Variants in CCDC141 observed in about 807,000 individuals in gnomAD.
CCDC141 encodes coiled-coil domain containing 141, also known as coiled-coil domain-containing protein 141.
CCDC141 carries 168 observed loss-of-function variants against 181.0 expected under a neutral mutation model. That is an observed-to-expected ratio of 0.93 (90% CI 0.82 to 1.05). The LOEUF is 1.05. Among genes scored for constraint, CCDC141 ranks in the 50% least tolerant of loss-of-function variants. The pLI is 0.00. For synonymous variants in CCDC141, 666 were observed against 642.3 expected, an observed-to-expected ratio of 1.04 and a Z score of -0.56; for missense variants, 1,902 against 1,788.5, an observed-to-expected ratio of 1.06 and a Z score of -1.14.
chr2:178,992,912 T>G (rs1692124381), intron 2 of CCDC141, among the ~76,000 whole-genome samples: 1 of 152,170 alleles, frequency 6.6e-6, no homozygotes, highest in Non-Finnish European at 1.5e-5. Context: ...CACTTCTCTT[T>G]GCTGCCACCA....
intron 11 of CCDC141, among the ~76,000 whole-genome samples, chr2:178,882,879 G>A (rs1021953963): frequency 2.6e-5 from 4 of 152,026 alleles, no homozygotes; most frequent in Non-Finnish European, 5.9e-5. Context: ...TGAGGGGATG[G>A]AGGATGGAAA....
At chr2:178,886,668 T>C in intron 10 of CCDC141, 84 bp downstream of exon 10, 1 of 874,694 alleles carries the variant, frequency 1.1e-6, no homozygotes, top group Non-Finnish European at 1.7e-6. Context: ...TCAAGTGAGC[T>C]AGGATTAAGT....
chr2:178,845,324 G>C (rs1684888974), intron 22 of CCDC141, among the ~76,000 whole-genome samples: 1 of 152,136 alleles, frequency 6.6e-6, no homozygotes, highest in South Asian at 2.1e-4. Context: ...AGCTAGAGAT[G>C]GGAAAAACAA....
intron 2 of CCDC141, among the ~76,000 whole-genome samples, chr2:179,007,843 A>G (rs1028339067): frequency 6.6e-5 from 10 of 152,204 alleles, no homozygotes; most frequent in African/African-American, 2.2e-4. Context: ...TCCTGTCTCC[A>G]TTATTTAATA....
intron 17 of CCDC141, among the ~76,000 whole-genome samples, chr2:178,857,540 T>C (rs1340121031): frequency 6.6e-6 from 1 of 152,198 alleles, no homozygotes; most frequent in African/African-American, 2.4e-5. Context: ...AGTTCAACTT[T>C]ACCAGTGCAC....
At chr2:179,049,595 T>C (rs1315592936) in intron 1 of CCDC141, among the ~76,000 whole-genome samples, 2 of 151,548 alleles carry the variant, frequency 1.3e-5, no homozygotes, top group East Asian at 1.9e-4. Context: ...TTTTCTTTTT[T>C]TTTTTTTTTT....
At chr2:179,025,624 C>CAGTAATACAG (rs2042821924) in intron 2 of CCDC141, among the ~76,000 whole-genome samples, 2 of 152,130 alleles carry the variant, frequency 1.3e-5, no homozygotes, top group Non-Finnish European at 2.9e-5. Flanking sequence ...TGAAAATGGA[C>CAGTAATACAG]TAATACAGTA....
intron 2 of CCDC141, among the ~76,000 whole-genome samples, chr2:179,026,564 G>GT (rs1005777434): frequency 6.6e-6 from 1 of 152,224 alleles, no homozygotes; most frequent in African/African-American, 2.4e-5. Context: ...TGCTAGGGCA[G>GT]TGCAGAAGGG....
chr2:178,995,136 C>T (rs905275211), intron 2 of CCDC141, among the ~76,000 whole-genome samples: 14 of 152,186 alleles, frequency 9.2e-5, no homozygotes, highest in Admixed American at 3.3e-4. Flanking sequence ...TCCCGCTCTA[C>T]GGGTACCAAT....
chr2:178,905,065 T>C (rs751754871), intron 8 of CCDC141, among the ~76,000 whole-genome samples: 2 of 152,198 alleles, frequency 1.3e-5, no homozygotes, highest in Non-Finnish European at 2.9e-5. Context: ...ACTTTGTCCA[T>C]TCCCTTTCCC....
intron 12 of CCDC141, chr2:178,875,897 T>TGA (rs1378100065): frequency 2.0e-5 from 3 of 152,018 alleles, no homozygotes; most frequent in Non-Finnish European, 2.9e-5. Flanking sequence ...CGTAGAAGTG[T>TGA]GAGAGAGAGA....
chr2:179,037,598 T>G (rs2043179959), intron 2 of CCDC141, among the ~76,000 whole-genome samples: 1 of 152,220 alleles, frequency 6.6e-6, no homozygotes, highest in South Asian at 2.1e-4. Flanking sequence ...AAATCATGTA[T>G]CTGATAAGGC....
chr2:178,924,604 C>T (rs1174190385), intron 6 of CCDC141, among the ~76,000 whole-genome samples: 1 of 152,142 alleles, frequency 6.6e-6, no homozygotes, highest in African/African-American at 2.4e-5. Context: ...TCTTCTCATG[C>T]TCCCTTCAGG....
intron 21 of CCDC141, 76 bp downstream of exon 21, chr2:178,849,973 T>C: frequency 2.6e-6 from 2 of 775,928 alleles, no homozygotes; most frequent in Non-Finnish European, 4.3e-6. Context: ...AAAATGTCTT[T>C]GCACCAGAAG....
chr2:178,886,038 TA>T (rs139357499), intron 10 of CCDC141, among the ~76,000 whole-genome samples: 2,076 of 152,200 alleles, frequency 0.014, 42 homozygotes, highest in African/African-American at 0.047. Flanking sequence ...AAATAATAAA[TA>T]AAAAATACCC....
chr2:178,972,128 C>A (rs753050368), intron 4 of CCDC141, among the ~76,000 whole-genome samples: 1 of 151,568 alleles, frequency 6.6e-6, no homozygotes, highest in Non-Finnish European at 1.5e-5. Flanking sequence ...ATACAACATC[C>A]AAGAAGGAAA....
At chr2:178,865,680 T>G in intron 17 of CCDC141, 87 bp downstream of exon 17, 1 of 1,215,856 alleles carries the variant, frequency 8.2e-7, no homozygotes, top group Non-Finnish European at 1.1e-6. Context: ...TGTGTGGGAG[T>G]GTGCACAAAT....
chr2:178,866,024 G>A, intron 16 of CCDC141, 108 bp from the exon 17 acceptor site: 1 of 865,224 alleles, frequency 1.2e-6, no homozygotes, highest in Non-Finnish European at 1.6e-6. Flanking sequence ...TTTAAAAAAA[G>A]AAATAGGTTC....
At chr2:178,955,175 C>T (rs897375780) in intron 5 of CCDC141, among the ~76,000 whole-genome samples, 15 of 152,066 alleles carry the variant, frequency 9.9e-5, no homozygotes, top group African/African-American at 3.4e-4. Flanking sequence ...GTCTCAGCCA[C>T]TTGGGAGGCT....
Sources: gnomAD v4.1 joint callset for allele counts (sites outside exome capture counted in the v4.1 genomes callset) on GRCh38, gnomAD v4.1.1 for gene constraint, MANE v1.5 for transcripts, NCBI Gene and HGNC (gene_info 2026-07-23, HGNC 2026-07-21) for gene names.